Variants in PTPRD observed in about 807,000 individuals in gnomAD.
The protein encoded by PTPRD is receptor-type tyrosine-protein phosphatase delta.
A neutral mutation model predicts 214.5 loss-of-function variants in PTPRD; 34 were observed. That is an observed-to-expected ratio of 0.16 (90% CI 0.12 to 0.21). The LOEUF is 0.21. PTPRD is among the 10% of genes least tolerant of loss of function. The pLI, the probability that PTPRD is intolerant of heterozygous loss-of-function variation, is 1.00. For synonymous variants in PTPRD, 1,128 were observed against 845.7 expected (o/e 1.33, Z -5.79); for missense variants, 2,545 against 2,398.7 (o/e 1.06, Z -1.27).
At chr9:9,738,091 G>A (rs866479903) in intron 6 of PTPRD, among the ~76,000 whole-genome samples, 6 of 151,012 alleles carry the variant, frequency 4.0e-5, no homozygotes, top group Non-Finnish European at 5.9e-5. Context: ...ATCACACACC[G>A]GGGCCTGTTG....
intron 9 of PTPRD, among the ~76,000 whole-genome samples, chr9:9,358,140 C>G (rs1020256077): frequency 1.3e-5 from 2 of 151,192 alleles, no homozygotes; most frequent in Non-Finnish European, 3.0e-5. Flanking sequence ...CTTTTTGAAA[C>G]AGCATATTCT....
chr9:9,713,092 T>C (rs1466862196), intron 7 of PTPRD, among the ~76,000 whole-genome samples: 1 of 152,000 alleles, frequency 6.6e-6, no homozygotes, highest in Non-Finnish European at 1.5e-5. Flanking sequence ...GCAAGATTAT[T>C]CTACTTGGCA....
rs761053201 is a variant in PTPRD at position 8,465,596 on chromosome 9, T to G, written c.3584A>C (p.His1195Pro). Residue 1195 changes from histidine to proline, a missense_variant, in exon 32 of 46, where the codon CAC becomes CCC. Coordinates refer to ENST00000381196, the MANE Select transcript of PTPRD (RefSeq NM_002839.4). ...GAACTCAGTGGGAAGGACATCAAAG[T>G]GAGCGGCAATATATGGCTTTAATTC... ...EVELKPYIAA[H>P]FDVLPTEFTL... 1 of 1,612,522 alleles carries G rather than the reference T, an allele frequency of 6.2e-7. No homozygotes were observed. The highest frequency in any genetic ancestry group is 1.3e-5 in the African/African-American group (1 of 74,782).
chr9:9,705,763 C>A (rs4740986), intron 7 of PTPRD, among the ~76,000 whole-genome samples: 8,445 of 152,150 alleles, frequency 0.056, 573 homozygotes, highest in East Asian at 0.35. Context: ...TTTATCTGTG[C>A]AGAATGATTT....
chr9:8,495,285 A>G (rs1463429012), intron 26 of PTPRD, among the ~76,000 whole-genome samples: 1 of 152,124 alleles, frequency 6.6e-6, no homozygotes, highest in Non-Finnish European at 1.5e-5. Context: ...CATCTGCAAA[A>G]CTTATGAGCT....
At chr9:8,763,888 A>T (rs2094552446) in intron 11 of PTPRD, among the ~76,000 whole-genome samples, 1 of 152,176 alleles carries the variant, frequency 6.6e-6, no homozygotes, top group African/African-American at 2.4e-5. Flanking sequence ...ATTCTCTCTC[A>T]TTAGCTTACT....
chr9:9,930,368 G>A (rs2086043403), intron 5 of PTPRD, among the ~76,000 whole-genome samples: 1 of 152,120 alleles, frequency 6.6e-6, no homozygotes, highest in South Asian at 2.1e-4. Flanking sequence ...CAGTCTATGG[G>A]GAAGACAAGA....
chr9:10,363,996 T>TG (rs1555222208), intron 2 of PTPRD, among the ~76,000 whole-genome samples: 45 of 98,610 alleles, frequency 4.6e-4, no homozygotes, highest in South Asian at 1.9e-3. Flanking sequence ...TTCGGGTTTT[T>TG]TTTTTTTTTT....
intron 9 of PTPRD, among the ~76,000 whole-genome samples, chr9:9,373,398 G>T (rs868709160): frequency 3.3e-5 from 5 of 152,188 alleles, no homozygotes; most frequent in African/African-American, 1.2e-4. Flanking sequence ...GTTTCTTAGT[G>T]CTGCTGTAAC....
At chr9:9,636,181 C>CA (rs2095760414) in intron 7 of PTPRD, among the ~76,000 whole-genome samples, 1 of 152,172 alleles carries the variant, frequency 6.6e-6, no homozygotes, top group East Asian at 1.9e-4. Flanking sequence ...CTCACTCATT[C>CA]AAACCCTACT....
Position 8,694,881 on chromosome 9 carries a change from T to C in PTPRD, c.64+38899A>G, listed in dbSNP as rs1038614414. 5.3e-5 allele frequency among the ~76,000 whole-genome samples: 8 copies of C among 152,360 alleles called. No homozygotes were observed. In the South Asian group the frequency reaches 6.2e-4, roughly 12 times the overall value. ...CATGGCTTGGAACTGTAAGCACTGC[T>C]ACAGTCCCAAACAATTCTTTACTTG... On this transcript the variant is annotated intron_variant, in intron 12 of 45. Coordinates refer to ENST00000381196, the MANE Select transcript of PTPRD (RefSeq NM_002839.4).
chr9:9,228,668 A>C (rs990890723), intron 9 of PTPRD, among the ~76,000 whole-genome samples: 1 of 152,136 alleles, frequency 6.6e-6, no homozygotes, highest in African/African-American at 2.4e-5. Flanking sequence ...CTGCATTTGT[A>C]AAATGAATGA....
chr9:9,670,032 T>G (rs1353847342), intron 7 of PTPRD, among the ~76,000 whole-genome samples: 2 of 152,198 alleles, frequency 1.3e-5, no homozygotes, highest in African/African-American at 4.8e-5. Context: ...GGGAGAGATC[T>G]TAAAACTTTA....
At chr9:8,811,340 T>C (rs1048705816) in intron 11 of PTPRD, among the ~76,000 whole-genome samples, 5 of 152,044 alleles carry the variant, frequency 3.3e-5, no homozygotes, top group African/African-American at 9.7e-5. Context: ...GTCAAGTCCA[T>C]TGACCCCCCT....
At chr9:9,592,487 C>T (rs2092832014) in intron 7 of PTPRD, among the ~76,000 whole-genome samples, 1 of 151,874 alleles carries the variant, frequency 6.6e-6, no homozygotes, top group African/African-American at 2.4e-5. Flanking sequence ...TTGAGGAAAA[C>T]ATTATTTAAC....
chr9:9,949,733 A>C (rs2093244120), intron 4 of PTPRD, among the ~76,000 whole-genome samples: 4 of 152,162 alleles, frequency 2.6e-5, no homozygotes, highest in Admixed American at 2.6e-4. Flanking sequence ...CTCATTCTTG[A>C]CGAATGGGGA....
chr9:8,988,225 T>G (rs1380624163), intron 11 of PTPRD, among the ~76,000 whole-genome samples: 2 of 152,118 alleles, frequency 1.3e-5, no homozygotes, highest in African/African-American at 4.8e-5. Context: ...TATTGGTGGC[T>G]GAGTAAAGGC....
intron 8 of PTPRD, among the ~76,000 whole-genome samples, chr9:9,463,956 G>C (rs2093908323): frequency 6.6e-6 from 1 of 152,116 alleles, no homozygotes; most frequent in Admixed American, 6.6e-5. Context: ...CACTCATCAT[G>C]ACTGCATAAC....
chr9:9,200,957 G>C (rs975509625), intron 9 of PTPRD, among the ~76,000 whole-genome samples: 2 of 152,256 alleles, frequency 1.3e-5, no homozygotes, highest in South Asian at 2.1e-4. Context: ...CTTATATGAA[G>C]CACAGTGTAT....
Sources: gnomAD v4.1 joint callset for allele counts (sites outside exome capture counted in the v4.1 genomes callset) on GRCh38, gnomAD v4.1.1 for gene constraint, MANE v1.5 for transcripts, NCBI Gene and HGNC (gene_info 2026-07-23, HGNC 2026-07-21) for gene names.